Variants in GPHN observed in about 807,000 individuals in gnomAD.
GPHN encodes gephyrin.
GPHN carries 17 observed loss-of-function variants against 95.5 expected under a neutral mutation model. The observed-to-expected ratio is 0.18, with a 90% confidence interval of 0.12 to 0.27. The LOEUF is 0.27. Ranked by LOEUF, GPHN falls within the 10% of genes least tolerant of loss-of-function variation. The pLI is 1.00. For missense variants in GPHN, 660 were observed against 978.1 expected (o/e 0.67, Z 4.34); for synonymous variants, 320 against 322.5 (o/e 0.99, Z 0.08).
the GPHN span, among the ~76,000 whole-genome samples, chr14:67,599,699 C>T: frequency 1.3e-5 from 2 of 152,190 alleles, no homozygotes; most frequent in African/African-American, 4.8e-5. Context: ...AATTAAATTA[C>T]TGCGCGCCTA....
At chr14:66,513,602 A>G (rs537949119) in intron 1 of GPHN, among the ~76,000 whole-genome samples, 1 of 152,010 alleles carries the variant, frequency 6.6e-6, no homozygotes, top group Admixed American at 6.5e-5. Context: ...TAGTGAAACC[A>G]CAAAGGATTT....
chr14:66,859,647 G>A (rs546980633), intron 4 of GPHN, among the ~76,000 whole-genome samples: 2 of 152,294 alleles, frequency 1.3e-5, no homozygotes, highest in East Asian at 1.9e-4. Context: ...TAGGGAATAA[G>A]CTTGAAGAAA....
chr14:67,356,454 C>T, the GPHN span, among the ~76,000 whole-genome samples: 1 of 109,976 alleles, frequency 9.1e-6, no homozygotes, highest in Non-Finnish European at 1.6e-5. Flanking sequence ...AAAACAAAAA[C>T]AAACAAACAC....
the GPHN span, among the ~76,000 whole-genome samples, chr14:67,459,832 A>T: frequency 6.6e-6 from 1 of 152,228 alleles, no homozygotes; most frequent in Non-Finnish European, 1.5e-5. Flanking sequence ...TGGGGGCTCA[A>T]GGGACAGGTG....
intron 9 of GPHN, among the ~76,000 whole-genome samples, chr14:66,993,027 AAATAACGTTGACGTAGG>A (rs2071537159): frequency 6.6e-6 from 1 of 152,126 alleles, no homozygotes; most frequent in Admixed American, 6.6e-5. Context: ...TAGTGTGTCA[AAATAACGTTGACGTAGG>A]AATGGTTATA....
At chr14:67,578,037 C>T in the GPHN span, 4 of 1,613,700 alleles carry the variant, frequency 2.5e-6, no homozygotes, top group East Asian at 4.5e-5. The surrounding 1 kb of genome is among the most constrained non-coding windows in gnomAD (Gnocchi z 5.0). Flanking sequence ...GCCAGCTCTT[C>T]ATCAACGTGC....
At chr14:67,285,934 G>T in the GPHN span, among the ~76,000 whole-genome samples, 2 of 152,072 alleles carry the variant, frequency 1.3e-5, no homozygotes, top group Non-Finnish European at 2.9e-5. Flanking sequence ...AAATGTAAGT[G>T]AATTTTCTTA....
At position 67,180,943 on chromosome 14, in the gene GPHN, A is replaced by G. The variant is rs2083296654; in HGVS notation, c.*6A>G. 6.2e-7 allele frequency: 1 copy of G among 1,613,800 alleles called. No individual in the cohort carries two copies. Among genetic ancestry groups the G allele is most frequent in the Non-Finnish European group, 8.5e-7 (1 of 1,179,882 alleles). ...TGGTCATTGGACGGCTATGATGGTC[A>G]CCAGCAGGAGAAAGCTTTGATGCAT... On this transcript the variant is annotated 3_prime_UTR_variant, in exon 23 of 23. Coordinates refer to ENST00000478722, the MANE Select transcript of GPHN (RefSeq NM_020806.5).
At chr14:66,949,557 C>G (rs1347852457) in intron 8 of GPHN, among the ~76,000 whole-genome samples, 2 of 152,086 alleles carry the variant, frequency 1.3e-5, no homozygotes, top group Non-Finnish European at 2.9e-5. Flanking sequence ...TCAAGGGATC[C>G]AAAAACCTCC....
the GPHN span, among the ~76,000 whole-genome samples, chr14:67,323,424 G>A: frequency 6.6e-6 from 1 of 151,396 alleles, no homozygotes; most frequent in Non-Finnish European, 1.5e-5. Context: ...AGACCAGCCT[G>A]GACAACAAAG....
At chr14:67,182,777 C>G (rs1284355615), downstream of GPHN, among the ~76,000 whole-genome samples, 1 of 150,004 alleles carries the variant, frequency 6.7e-6, no homozygotes, top group African/African-American at 2.5e-5. Flanking sequence ...TGCCATAATA[C>G]AGATTTTAAG....
In GPHN at chr14:66,545,758, G is replaced by A. The variant is rs539185425; in HGVS notation, c.64+37167G>A. 2.6e-4 allele frequency among the ~76,000 whole-genome samples: 38 copies of A among 144,874 alleles called. No homozygotes were observed. In the East Asian group the frequency reaches 6.9e-3, roughly 26 times the overall value. Reference sequence around the variant, plus strand: ...GGGCTGACCCCCCCACCTCCCTCCCGGACGGGGCAGCTGGCCGGGCAGAGG... The same window carrying A: ...GGGCTGACCCCCCCACCTCCCTCCCAGACGGGGCAGCTGGCCGGGCAGAGG... On this transcript the variant is annotated intron_variant, in intron 1 of 22. Transcript: ENST00000478722.
the GPHN span, chr14:67,642,256 G>A: frequency 4.3e-6 from 7 of 1,614,102 alleles, no homozygotes; most frequent in South Asian, 3.3e-5. Context: ...ACAACAACCT[G>A]ATAGTGAATC....
At chr14:66,981,531 A>G (rs906175125) in intron 9 of GPHN, among the ~76,000 whole-genome samples, 19 of 152,174 alleles carry the variant, frequency 1.2e-4, no homozygotes, top group African/African-American at 4.3e-4. Context: ...GCCCCAATAT[A>G]TACTGAGTGA....
chr14:67,709,922 T>C, the GPHN span, among the ~76,000 whole-genome samples: 2 of 152,226 alleles, frequency 1.3e-5, no homozygotes, highest in Non-Finnish European at 2.9e-5. Flanking sequence ...TTCCATTCTA[T>C]TTAGTCACTC....
the GPHN span, among the ~76,000 whole-genome samples, chr14:67,547,743 C>G: frequency 6.6e-6 from 1 of 152,252 alleles, no homozygotes; most frequent in Non-Finnish European, 1.5e-5. Context: ...CTTCTTCCTA[C>G]CTTGACACAG....
intron 1 of GPHN, among the ~76,000 whole-genome samples, chr14:66,552,093 C>T (rs1265310817): frequency 2.6e-5 from 4 of 152,108 alleles, no homozygotes; most frequent in Non-Finnish European, 5.9e-5. Context: ...TCTTAGACAC[C>T]TCCCTTTCAT....
chr14:66,758,526 T>A lies in GPHN; in HGVS notation c.144-17938T>A, dbSNP rs145169474. ...CTACAGTTGCGTGACCATTTTGAGT[T>A]TGATGGCCTGAAGGCGAGAAGAGAG... On this transcript the variant is annotated intron_variant, in intron 2 of 22. Coordinates refer to ENST00000478722, the MANE Select transcript of GPHN (RefSeq NM_020806.5). Among the ~76,000 whole-genome samples the A allele has an allele frequency of 4.0e-3, 609 of 152,218 alleles. 2 individuals carry two copies. Among genetic ancestry groups the A allele is most frequent in the African/African-American group, 0.014 (574 of 41,536 alleles).
the GPHN span, among the ~76,000 whole-genome samples, chr14:67,300,336 C>CTTTTTTTTTTTTTTT: frequency 0.024 from 3,309 of 138,178 alleles, 103 homozygotes; most frequent in Non-Finnish European, 0.028. Flanking sequence ...TATGAATTAC[C>CTTTTTTTTTTTTTTT]TTTTTTTTTT....
Sources: gnomAD v4.1 joint callset for allele counts (sites outside exome capture counted in the v4.1 genomes callset) on GRCh38, gnomAD v4.1.1 for gene constraint, Gnocchi (gnomAD v3.1) non-coding constraint, MANE v1.5 for transcripts, NCBI Gene and HGNC (gene_info 2026-07-23, HGNC 2026-07-21) for gene names.